The following EYS variants were observed in gnomAD, a reference collection of about 807,000 sequenced individuals.
The protein encoded by EYS is protein eyes shut homolog.
In EYS, 250 loss-of-function variants were observed where a neutral mutation model predicts 282.1. The observed-to-expected ratio is 0.89, with a 90% CI of 0.80 to 0.98. The LOEUF is 0.98. EYS is among the 50% of genes least tolerant of loss of function. The pLI, the probability that EYS is intolerant of heterozygous loss-of-function variation, is 0.00. For missense variants in EYS, 4,016 were observed against 3,709.0 expected, an observed-to-expected ratio of 1.08 and a Z score of -2.15; for synonymous variants, 1,355 against 1,282.9, an observed-to-expected ratio of 1.06 and a Z score of -1.20.
At chr6:64,300,491 A>C (rs1582560978) in intron 30 of EYS, among the ~76,000 whole-genome samples, 2 of 151,834 alleles carry the variant, frequency 1.3e-5, no homozygotes, top group South Asian at 4.2e-4. Flanking sequence ...TTTCTCCCTT[A>C]CTCCTAAAAC....
intron 31 of EYS, among the ~76,000 whole-genome samples, chr6:64,134,964 G>C (rs929422925): frequency 6.6e-6 from 1 of 152,088 alleles, no homozygotes; most frequent in African/African-American, 2.4e-5. Context: ...TAGTAAGAAA[G>C]GCAGAAAGTT....
intron 11 of EYS, among the ~76,000 whole-genome samples, chr6:65,302,104 T>G (rs1297433901): frequency 6.6e-6 from 1 of 152,274 alleles, no homozygotes; most frequent in African/African-American, 2.4e-5. Context: ...CTCTTTTTTT[T>G]GTTTTGTTTT....
intron 28 of EYS, among the ~76,000 whole-genome samples, chr6:64,389,440 G>T (rs1399616584): frequency 1.3e-5 from 2 of 152,144 alleles, no homozygotes; most frequent in African/African-American, 4.8e-5. Context: ...AGATATGCAT[G>T]TGTCATTTAC....
chr6:64,579,566 A>G (rs1479287043), intron 26 of EYS, among the ~76,000 whole-genome samples: 1 of 152,054 alleles, frequency 6.6e-6, no homozygotes, highest in Non-Finnish European at 1.5e-5. Context: ...ATGCCCACTG[A>G]GTATCTGTGT....
intron 5 of EYS, among the ~76,000 whole-genome samples, chr6:65,477,143 A>C (rs1390927040): frequency 6.6e-6 from 1 of 152,176 alleles, no homozygotes; most frequent in Non-Finnish European, 1.5e-5. Context: ...GAAAAGGTAA[A>C]ATGCCTTGTA....
At chr6:64,097,739 C>T (rs200430325) in intron 31 of EYS, among the ~76,000 whole-genome samples, 11 of 152,144 alleles carry the variant, frequency 7.2e-5, no homozygotes, top group East Asian at 1.9e-4. Flanking sequence ...GGCTGACGCT[C>T]GGTACACTGA....
At chr6:64,556,681 T>C (rs1765242721) in intron 26 of EYS, among the ~76,000 whole-genome samples, 1 of 151,916 alleles carries the variant, frequency 6.6e-6, no homozygotes, top group South Asian at 2.1e-4. Flanking sequence ...GAGGAAATAA[T>C]ATCCATGAAA....
intron 31 of EYS, among the ~76,000 whole-genome samples, chr6:64,157,164 ATAGTTT>A (rs1774955705): frequency 6.7e-6 from 1 of 150,300 alleles, no homozygotes; most frequent in Non-Finnish European, 1.5e-5. Flanking sequence ...TGTTCTTGCG[ATAGTTT>A]ACTGAGAATG....
At chr6:65,157,025 T>A (rs1245561830) in intron 12 of EYS, among the ~76,000 whole-genome samples, 1 of 151,114 alleles carries the variant, frequency 6.6e-6, no homozygotes, top group African/African-American at 2.4e-5. Flanking sequence ...AACTCCTACA[T>A]CTGTTATTTG....
chr6:64,497,955 A>G (rs1056217594), intron 26 of EYS, among the ~76,000 whole-genome samples: 3 of 152,150 alleles, frequency 2.0e-5, no homozygotes, highest in African/African-American at 7.2e-5. Flanking sequence ...CTGGGTATAG[A>G]TGGAGTGAAA....
intron 15 of EYS, among the ~76,000 whole-genome samples, chr6:64,937,750 G>A (rs1768957552): frequency 6.6e-6 from 1 of 151,506 alleles, no homozygotes; most frequent in Non-Finnish European, 1.5e-5. Context: ...TAAGCACAGA[G>A]TTACTCTATG....
chr6:65,584,612 A>AT (rs1764979669), intron 2 of EYS, among the ~76,000 whole-genome samples: 2 of 151,814 alleles, frequency 1.3e-5, no homozygotes, highest in Non-Finnish European at 2.9e-5. Flanking sequence ...CAAACGAATC[A>AT]TTTTTCTTTG....
chr6:64,876,817 G>GATT (rs1449736062), intron 19 of EYS, among the ~76,000 whole-genome samples: 7 of 152,104 alleles, frequency 4.6e-5, no homozygotes, highest in African/African-American at 1.7e-4. Context: ...GTGGAATTGA[G>GATT]GGAGAAATTA....
chr6:64,451,755 A>C (rs1007378334), intron 26 of EYS, among the ~76,000 whole-genome samples: 1 of 152,180 alleles, frequency 6.6e-6, no homozygotes, highest in African/African-American at 2.4e-5. Flanking sequence ...CCAACGACAA[A>C]AACCACATGA....
At chr6:65,536,052 G>T (rs1410305423) in intron 2 of EYS, among the ~76,000 whole-genome samples, 1 of 152,104 alleles carries the variant, frequency 6.6e-6, no homozygotes, top group Non-Finnish European at 1.5e-5. Flanking sequence ...ATGTGGTGAC[G>T]TGATGATGAA....
intron 12 of EYS, among the ~76,000 whole-genome samples, chr6:65,097,802 T>C (rs1330348707): frequency 1.4e-5 from 2 of 141,272 alleles, no homozygotes; most frequent in Non-Finnish European, 3.2e-5. Context: ...TAAAATAAAA[T>C]AAAAAAAAAA....
At chr6:64,130,943 T>C (rs1322008662) in intron 31 of EYS, among the ~76,000 whole-genome samples, 2 of 151,996 alleles carry the variant, frequency 1.3e-5, no homozygotes, top group Non-Finnish European at 2.9e-5. Flanking sequence ...TCTCAGCTCA[T>C]TGCAACCTCC....
At chr6:65,440,877 T>A (rs1211286258) in intron 5 of EYS, among the ~76,000 whole-genome samples, 4 of 147,280 alleles carry the variant, frequency 2.7e-5, no homozygotes, top group Admixed American at 1.4e-4. Flanking sequence ...ATATTATATA[T>A]TTATATTATA....
intron 30 of EYS, among the ~76,000 whole-genome samples, chr6:64,303,570 C>A (rs1012939142): frequency 4.6e-4 from 70 of 152,136 alleles, no homozygotes; most frequent in Middle Eastern, 3.4e-3. Flanking sequence ...TAGCCGGGCG[C>A]GGTGGCTCAC....
Sources: allele counts gnomAD v4.1 joint callset (sites outside exome capture counted in the v4.1 genomes callset), GRCh38; gene constraint gnomAD v4.1.1; transcripts MANE v1.5; gene names NCBI Gene and HGNC (gene_info 2026-07-23, HGNC 2026-07-21).